The following CD72 variants were observed in gnomAD, a reference collection of about 807,000 sequenced individuals.
The protein encoded by CD72 is CD72 molecule.
Under a neutral mutation model 50.7 loss-of-function variants are expected in CD72, and 28 were observed. The ratio of observed to expected loss-of-function variants is 0.55; its 90% CI spans 0.41 to 0.76. The LOEUF is 0.76. CD72 is among the 30% of genes least tolerant of loss of function. The probability of loss-of-function intolerance (pLI) is 0.00; values close to 1 mark genes in which losing one functional copy is unlikely to be tolerated. For synonymous variants in CD72, 176 were observed against 171.2 expected, an observed-to-expected ratio of 1.03 and a Z score of -0.22; for missense variants, 403 against 420.6, an observed-to-expected ratio of 0.96 and a Z score of 0.37.
intron 1 of CD72, among the ~76,000 whole-genome samples, chr9:35,629,736 G>A (rs967721213): frequency 2.0e-5 from 3 of 152,270 alleles, no homozygotes; most frequent in Admixed American, 6.5e-5. Context: ...TTGATGACGC[G>A]AATGTCCTGC....
chr9:35,621,832 C>A (rs1297016682), upstream of CD72, among the ~76,000 whole-genome samples: 1 of 152,196 alleles, frequency 6.6e-6, no homozygotes, highest in Non-Finnish European at 1.5e-5. Flanking sequence ...CAAGAAGCCT[C>A]TGAGAGCTGG....
Position 35,616,289 on chromosome 9 carries a change from A to G in CD72, c.353-11T>C. 1.9e-6 allele frequency: 3 copies of G among 1,605,734 alleles called. No individual in the cohort carries two copies. Among genetic ancestry groups the G allele is most frequent in the Non-Finnish European group, 8.5e-7 (1 of 1,174,852 alleles). ...GAGACACCTGCAGATCTGTTTGGCC[A>G]CAGAGATTTGGTGGATGTCTTCTCC... On this transcript the variant is annotated splice_polypyrimidine_tract_variant and intron_variant, in intron 4 of 8. Coordinates refer to ENST00000259633, the MANE Select transcript of CD72 (RefSeq NM_001782.3).
upstream of CD72, among the ~76,000 whole-genome samples, chr9:35,622,182 G>A (rs1380774959): frequency 6.6e-6 from 1 of 152,222 alleles, no homozygotes; most frequent in African/African-American, 2.4e-5. Flanking sequence ...GACACACTAG[G>A]TGTGGACTTT....
chr9:35,624,450 A>G (rs1823176616), upstream of CD72, among the ~76,000 whole-genome samples: 1 of 152,044 alleles, frequency 6.6e-6, no homozygotes, highest in Non-Finnish European at 1.5e-5. Context: ...AAGGATGTAT[A>G]GAGAGCATCT....
intron 2 of CD72, among the ~76,000 whole-genome samples, chr9:35,617,616 G>C (rs1174515830): frequency 6.6e-6 from 1 of 151,888 alleles, no homozygotes; most frequent in Non-Finnish European, 1.5e-5. Context: ...TCCCCCACAG[G>C]GCTGCCCTAT....
intron 1 of CD72, among the ~76,000 whole-genome samples, chr9:35,642,179 G>C (rs547987104): frequency 1.9e-4 from 29 of 152,184 alleles, no homozygotes; most frequent in African/African-American, 6.8e-4. Context: ...ACCTCTAAAA[G>C]GTCCCCTCTA....
chr9:35,620,158 A>G (rs1011788150), upstream of CD72, among the ~76,000 whole-genome samples: 3 of 152,102 alleles, frequency 2.0e-5, no homozygotes, highest in Non-Finnish European at 2.9e-5. Context: ...CATTTGCAGG[A>G]GTTCCACAAA....
chr9:35,612,767 G>T (rs761421234), intron 6 of CD72, 81 bp downstream of exon 6: 2 of 1,316,752 alleles, frequency 1.5e-6, no homozygotes, highest in Admixed American at 1.8e-5. Context: ...AGCCATGTGT[G>T]CACTGCCATT....
At chr9:35,627,031 G>A (rs1011783100) in intron 1 of CD72, among the ~76,000 whole-genome samples, 1 of 151,926 alleles carries the variant, frequency 6.6e-6, no homozygotes, top group Non-Finnish European at 1.5e-5. Flanking sequence ...GTAGAGAGGG[G>A]ATTTCACTGT....
At chr9:35,624,455 G>A (rs1211523050), upstream of CD72, among the ~76,000 whole-genome samples, 2 of 151,936 alleles carry the variant, frequency 1.3e-5, no homozygotes, top group Non-Finnish European at 2.9e-5. Flanking sequence ...TGTATAGAGA[G>A]CATCTACCTT....
chr9:35,635,440 T>C (rs1429073416), intron 1 of CD72, among the ~76,000 whole-genome samples: 3 of 152,220 alleles, frequency 2.0e-5, no homozygotes, highest in Non-Finnish European at 4.4e-5. Flanking sequence ...TCTAGACCTA[T>C]TTTGGGGTTT....
intron 1 of CD72, among the ~76,000 whole-genome samples, chr9:35,638,072 T>G (rs1473634528): frequency 6.6e-6 from 1 of 152,202 alleles, no homozygotes; most frequent in Non-Finnish European, 1.5e-5. Context: ...AGAACGGCAC[T>G]GTCAATTTGT....
intron 5 of CD72, among the ~76,000 whole-genome samples, chr9:35,613,296 G>A (rs1253761726): frequency 6.6e-6 from 1 of 151,822 alleles, no homozygotes; most frequent in Admixed American, 6.6e-5. Flanking sequence ...AACATCTCTT[G>A]GGCCCATCTC....
intron 1 of CD72, among the ~76,000 whole-genome samples, chr9:35,626,074 A>G (rs1019140388): frequency 1.3e-5 from 2 of 151,656 alleles, no homozygotes; most frequent in South Asian, 2.1e-4. Context: ...TACAGCTGCC[A>G]TAGGGATTCC....
At chr9:35,640,790 C>G (rs1406968985) in intron 1 of CD72, among the ~76,000 whole-genome samples, 2 of 152,234 alleles carry the variant, frequency 1.3e-5, no homozygotes, top group East Asian at 1.9e-4. Context: ...AAACAGAGCT[C>G]CCATACAAAG....
chr9:35,630,468 C>G (rs1587907391), intron 1 of CD72, among the ~76,000 whole-genome samples: 1 of 152,136 alleles, frequency 6.6e-6, no homozygotes, highest in Non-Finnish European at 1.5e-5. Context: ...TTTTGGAGAA[C>G]TGACACTTTT....
At chr9:35,620,242 C>T (rs1036770123), upstream of CD72, among the ~76,000 whole-genome samples, 8 of 152,044 alleles carry the variant, frequency 5.3e-5, no homozygotes, top group African/African-American at 1.9e-4. Flanking sequence ...ATGCCAAAAC[C>T]AAGCTTCTAG....
chr9:35,636,912 G>T (rs1024751245), intron 1 of CD72, among the ~76,000 whole-genome samples: 2 of 152,184 alleles, frequency 1.3e-5, no homozygotes, highest in Admixed American at 1.3e-4. Flanking sequence ...ATCCACAAAA[G>T]AAGTTAAAAT....
chr9:35,642,899 G>A (rs1490553081), intron 1 of CD72: 2 of 152,050 alleles, frequency 1.3e-5, no homozygotes, highest in East Asian at 3.8e-4. Context: ...CCAACAATTG[G>A]ATTCCGGCCC....
Sources: gnomAD v4.1 joint callset for allele counts (sites outside exome capture counted in the v4.1 genomes callset) on GRCh38, gnomAD v4.1.1 for gene constraint, MANE v1.5 for transcripts, NCBI Gene and HGNC (gene_info 2026-07-23, HGNC 2026-07-21) for gene names.